Variants in PARM1 observed in about 807,000 individuals in gnomAD.
PARM1 encodes WSC4, cell wall integrity and stress response component 4 homolog.
A neutral mutation model predicts 24.6 loss-of-function variants in PARM1; 14 were observed. The observed-to-expected ratio is 0.57, with a 90% confidence interval of 0.38 to 0.89. The LOEUF (loss-of-function observed/expected upper bound fraction) is 0.89, where lower values mean the gene tolerates loss of function less well. Among genes scored for constraint, PARM1 ranks in the 40% least tolerant of loss-of-function variants. The pLI, the probability that PARM1 is intolerant of heterozygous loss-of-function variation, is 0.00. For missense variants in PARM1, 362 were observed against 380.4 expected, an observed-to-expected ratio of 0.95 and a Z score of 0.40; for synonymous variants, 179 against 156.6, an observed-to-expected ratio of 1.14 and a Z score of -1.07.
chr4:75,012,282 C>T (rs1262492585), intron 1 of PARM1, 143 bp from the exon 2 acceptor site: 2 of 850,214 alleles, frequency 2.4e-6, no homozygotes, highest in Non-Finnish European at 3.6e-6. Context: ...TAAAAGTTGC[C>T]TTCACAACTG....
At chr4:75,009,276 G>A (rs1425852609) in intron 1 of PARM1, among the ~76,000 whole-genome samples, 1 of 152,156 alleles carries the variant, frequency 6.6e-6, no homozygotes, top group Non-Finnish European at 1.5e-5. Flanking sequence ...GTTAAATTCA[G>A]AATAAACTCT....
At chr4:74,969,157 C>T (rs1227066493) in intron 1 of PARM1, among the ~76,000 whole-genome samples, 1 of 152,066 alleles carries the variant, frequency 6.6e-6, no homozygotes, top group Non-Finnish European at 1.5e-5. Flanking sequence ...GGAGAGGGTG[C>T]GGAAGGGCAG....
chr4:74,994,064 T>A (rs1189246202), intron 1 of PARM1: 1 of 151,994 alleles, frequency 6.6e-6, no homozygotes, highest in African/African-American at 2.4e-5. Flanking sequence ...AGAAGAAATA[T>A]AGGGAAGGAA....
At chr4:74,964,787 G>T (rs1353477115) in intron 1 of PARM1, among the ~76,000 whole-genome samples, 1 of 152,074 alleles carries the variant, frequency 6.6e-6, no homozygotes, top group Non-Finnish European at 1.5e-5. Flanking sequence ...GTAAATAAAA[G>T]AAAAACTCTA....
chr4:74,947,036 A>G (rs1721424199), intron 1 of PARM1, among the ~76,000 whole-genome samples: 1 of 152,222 alleles, frequency 6.6e-6, no homozygotes, highest in African/African-American at 2.4e-5. Context: ...GGCATGGAAA[A>G]AATAGAATAT....
intron 1 of PARM1, among the ~76,000 whole-genome samples, chr4:74,974,888 A>G (rs1426185345): frequency 6.6e-6 from 1 of 152,200 alleles, no homozygotes; most frequent in Non-Finnish European, 1.5e-5. Flanking sequence ...GAACACAGGC[A>G]AAAGGTGGTC....
At chr4:74,948,819 G>A (rs1294604501) in intron 1 of PARM1, among the ~76,000 whole-genome samples, 32 of 152,070 alleles carry the variant, frequency 2.1e-4, no homozygotes, top group Admixed American at 2.0e-3. Context: ...TCAGAAGTTC[G>A]AGACCAGCCT....
At chr4:75,034,940 C>G (rs745494157) in intron 3 of PARM1, 1 of 152,488 alleles carries the variant, frequency 6.6e-6, no homozygotes, top group African/African-American at 2.4e-5. Context: ...TGCCTGCCTC[C>G]CCTTTTCCAA....
In PARM1 at chr4:75,012,605, C is replaced by A. The variant is rs370099487; in HGVS notation, c.224C>A (p.Ser75Tyr). The A allele has an allele frequency of 1.2e-6, 2 of 1,614,014 alleles. No individual in the cohort carries two copies. ...VLPVTASAPTSLLPKNISIES... is the reference protein window; with the variant it reads ...VLPVTASAPTYLLPKNISIES... ...CCAGTTACAGCATCAGCCCCAACAT[C>A]TCTGCTTCCTAAGAACATTTCCATA... The change falls in exon 2 of 4, where the codon TCT becomes TAT. Residue 75 changes from serine to tyrosine, a missense_variant. Physicochemically the swap from Ser to Tyr is moderately radical, Grantham distance 144 (BLOSUM62 -2). Transcript: ENST00000307428.
chr4:74,984,622 G>T (rs1033880587), intron 1 of PARM1, among the ~76,000 whole-genome samples: 1 of 152,242 alleles, frequency 6.6e-6, no homozygotes, highest in East Asian at 1.9e-4. Context: ...GTTTCCTTAG[G>T]CTTAGAGATT....
chr4:74,959,238 G>A (rs965846134), intron 1 of PARM1, among the ~76,000 whole-genome samples: 4 of 152,146 alleles, frequency 2.6e-5, no homozygotes, highest in African/African-American at 9.7e-5. Flanking sequence ...GTTAGAAATT[G>A]ATATAAAGCT....
Position 75,024,691 on chromosome 4 carries a change from TTTTG to T in PARM1, c.770-9180_770-9177del, listed in dbSNP as rs1311175621. Among the ~76,000 whole-genome samples, 20 of 152,272 alleles carry T rather than the reference TTTTG, an allele frequency of 1.3e-4. No homozygotes were observed. The South Asian group carries it at 4.2e-3, about 32-fold the overall frequency. On this transcript the variant is annotated intron_variant, in intron 2 of 3. Transcript: ENST00000307428. The stretch of plus-strand genomic sequence containing the variant: ...TTCTCGTTTATTTTTCCCTTTAGTT[TTTTG>T]TTTGTTTGTTTTCTTTGAGACTGAA...
intron 1 of PARM1, among the ~76,000 whole-genome samples, chr4:74,981,320 C>T (rs1392140664): frequency 6.6e-6 from 1 of 152,042 alleles, no homozygotes; most frequent in Non-Finnish European, 1.5e-5. Context: ...GCATATACTT[C>T]TTTAAGACAT....
chr4:74,938,273 C>A (rs1168947705), intron 1 of PARM1, among the ~76,000 whole-genome samples: 1 of 152,132 alleles, frequency 6.6e-6, no homozygotes, highest in Non-Finnish European at 1.5e-5. Context: ...TATAACACCC[C>A]ACCGGAAGCA....
chr4:75,011,052 A>G (rs981174039), intron 1 of PARM1, among the ~76,000 whole-genome samples: 19 of 152,056 alleles, frequency 1.2e-4, no homozygotes, highest in African/African-American at 3.6e-4. Context: ...TGTAGGTGGG[A>G]GGTGCCACAT....
At chr4:75,017,900 A>C (rs1432455891) in intron 2 of PARM1, among the ~76,000 whole-genome samples, 1 of 152,244 alleles carries the variant, frequency 6.6e-6, no homozygotes, top group South Asian at 2.1e-4. Context: ...GATAGTATTC[A>C]CATAATGCGG....
chr4:75,013,920 C>T (rs1327514960), intron 2 of PARM1, among the ~76,000 whole-genome samples: 1 of 152,180 alleles, frequency 6.6e-6, no homozygotes, highest in East Asian at 1.9e-4. Context: ...GATGTGAAGA[C>T]TGTACAATTT....
At chr4:74,961,004 C>CAAAAAAAAAAAAAAAAAAAAA (rs1161009878) in intron 1 of PARM1, among the ~76,000 whole-genome samples, 2 of 95,592 alleles carry the variant, frequency 2.1e-5, no homozygotes, top group African/African-American at 7.6e-5. Context: ...GACTCCGTCT[C>CAAAAAAAAAAAAAAAAAAAAA]AAAAAAAAAA....
chr4:75,020,155 G>A (rs1475904906), intron 2 of PARM1, among the ~76,000 whole-genome samples: 1 of 151,568 alleles, frequency 6.6e-6, no homozygotes, highest in Non-Finnish European at 1.5e-5. Context: ...CAAAAACATA[G>A]GTGTGAGAAG....
Sources: allele counts gnomAD v4.1 joint callset (sites outside exome capture counted in the v4.1 genomes callset), GRCh38; gene constraint gnomAD v4.1.1; transcripts MANE v1.5; gene names NCBI Gene and HGNC (gene_info 2026-07-23, HGNC 2026-07-21).